PTPRG: variants seen among roughly 807,000 people sequenced by gnomAD.
PTPRG encodes receptor-type tyrosine-protein phosphatase gamma.
PTPRG carries 102 observed loss-of-function variants against 165.3 expected under a neutral mutation model. The observed-to-expected ratio is 0.62, with a 90% confidence interval of 0.53 to 0.73. The LOEUF (loss-of-function observed/expected upper bound fraction) is 0.73, where lower values mean the gene tolerates loss of function less well. Ranked by LOEUF, PTPRG falls within the 30% of genes least tolerant of loss-of-function variation. The pLI is 0.00. For missense variants in PTPRG, 1,866 were observed against 1,861.4 expected (o/e 1.00, Z -0.05); for synonymous variants, 675 against 669.5 (o/e 1.01, Z -0.13).
rs533563764 is a variant in PTPRG at position 61,937,647 on chromosome 3, G to A, written c.191-51978G>A. Among the ~76,000 whole-genome samples, 21 of 152,250 alleles carry A rather than the reference G, an allele frequency of 1.4e-4. 1 individual carries two copies. The South Asian group carries it at 4.4e-3, about 32-fold the overall frequency. ...TCTTTTCTTTGAGGCCTGGAAACTTGGAAACATTTTCACAGCTTCTTGCTT... is the reference window on the plus strand; with the variant it reads ...TCTTTTCTTTGAGGCCTGGAAACTTAGAAACATTTTCACAGCTTCTTGCTT... On this transcript the variant is annotated intron_variant, in intron 2 of 29. Transcript: ENST00000474889.
intron 1 of PTPRG, among the ~76,000 whole-genome samples, chr3:61,690,851 A>G (rs1372495007): frequency 1.3e-5 from 2 of 152,144 alleles, no homozygotes; most frequent in African/African-American, 4.8e-5. Context: ...TGATACAGTC[A>G]ATGCTAGACA....
intron 2 of PTPRG, among the ~76,000 whole-genome samples, chr3:61,844,710 A>C (rs1163888390): frequency 6.6e-6 from 1 of 151,300 alleles, no homozygotes; most frequent in African/African-American, 2.4e-5. Flanking sequence ...GCTATATTGA[A>C]CAGGGTGGTC....
At chr3:62,145,624 G>A (rs1470660495) in intron 6 of PTPRG, among the ~76,000 whole-genome samples, 1 of 152,176 alleles carries the variant, frequency 6.6e-6, no homozygotes, top group Non-Finnish European at 1.5e-5. Context: ...AGTGGACAAA[G>A]AACCAGGAAG....
intron 2 of PTPRG, among the ~76,000 whole-genome samples, chr3:61,952,117 A>G (rs1270326535): frequency 3.4e-5 from 2 of 59,556 alleles, no homozygotes; most frequent in East Asian, 9.8e-4. Context: ...ACTCCACCTC[A>G]GAAAAAAAAA....
intron 2 of PTPRG, among the ~76,000 whole-genome samples, chr3:61,865,350 A>G (rs1450176062): frequency 6.6e-6 from 1 of 152,172 alleles, no homozygotes; most frequent in African/African-American, 2.4e-5. Flanking sequence ...GTCTCATTTA[A>G]TTCTCCAAAA....
chr3:61,591,223 G>T (rs1167814644), intron 1 of PTPRG, among the ~76,000 whole-genome samples: 1 of 152,224 alleles, frequency 6.6e-6, no homozygotes, highest in Non-Finnish European at 1.5e-5. Flanking sequence ...CAGAGATTTG[G>T]AACTGTTGGA....
intron 5 of PTPRG, among the ~76,000 whole-genome samples, chr3:62,101,533 C>T (rs1425182029): frequency 6.6e-6 from 1 of 152,172 alleles, no homozygotes; most frequent in Non-Finnish European, 1.5e-5. Flanking sequence ...CACTGTCTTA[C>T]CCTTTACTAC....
Position 62,275,909 on chromosome 3 carries a change from T to G in PTPRG, c.3502T>G (p.Phe1168Val). 1 of 1,612,096 alleles carries G rather than the reference T, an allele frequency of 6.2e-7. No individual in the cohort carries two copies. The highest frequency in any genetic ancestry group is 8.5e-7 in the Non-Finnish European group (1 of 1,178,760). ...TQCNAKYVEC[F>V]SAQKECNKEK... ...GTGTAATGCAAAATATGTGGAATGT[T>G]TCAGTGCTCAGAAAGAGTGTAACAA... Residue 1168 changes from phenylalanine (F) to valine (V), a missense_variant, in exon 24 of 30, where the codon TTC becomes GTC. Physicochemically the swap from Phe to Val is conservative, Grantham distance 50. Coordinates refer to ENST00000474889, the MANE Select transcript of PTPRG (RefSeq NM_002841.4).
chr3:62,259,985 G>A (rs1233153858), intron 16 of PTPRG, among the ~76,000 whole-genome samples: 2 of 152,178 alleles, frequency 1.3e-5, no homozygotes, highest in Non-Finnish European at 2.9e-5. Flanking sequence ...CTGAGGAAGG[G>A]AATAACAAAG....
intron 1 of PTPRG, among the ~76,000 whole-genome samples, chr3:61,709,465 C>T (rs1258970144): frequency 6.6e-6 from 1 of 152,122 alleles, no homozygotes; most frequent in Non-Finnish European, 1.5e-5. Context: ...CAGGCATGCA[C>T]CACCACAGCT....
intron 2 of PTPRG, among the ~76,000 whole-genome samples, chr3:61,887,359 T>C (rs2038080162): frequency 6.6e-6 from 1 of 151,846 alleles, no homozygotes; most frequent in Non-Finnish European, 1.5e-5. Flanking sequence ...GCTCTAGACA[T>C]AGTGAAAAAC....
At chr3:61,804,144 T>G (rs982408476) in intron 2 of PTPRG, among the ~76,000 whole-genome samples, 1 of 152,224 alleles carries the variant, frequency 6.6e-6, no homozygotes, top group African/African-American at 2.4e-5. Context: ...TCCTCTCTAT[T>G]GGTTTTCTAG....
chr3:62,020,759 G>A (rs1018885925), intron 4 of PTPRG, among the ~76,000 whole-genome samples: 7 of 152,040 alleles, frequency 4.6e-5, no homozygotes, highest in Admixed American at 4.6e-4. Context: ...CTGTCTCCCA[G>A]GCTGGAATAC....
intron 1 of PTPRG, among the ~76,000 whole-genome samples, chr3:61,572,105 C>T (rs1700071181): frequency 6.6e-6 from 1 of 152,134 alleles, no homozygotes; most frequent in Admixed American, 6.6e-5. Flanking sequence ...TTGACTTTTT[C>T]CTGTGAGGGT....
intron 5 of PTPRG, among the ~76,000 whole-genome samples, chr3:62,087,642 C>A (rs9870965): frequency 0.29 from 43,910 of 152,022 alleles, 7,199 homozygotes; most frequent in African/African-American, 0.46. Context: ...ACACAGGCCA[C>A]TAAGTGTTGG....
chr3:62,255,745 A>G lies in PTPRG; in HGVS notation c.2559+530A>G, dbSNP rs1363327028. 1.3e-5 allele frequency among the ~76,000 whole-genome samples: 2 copies of G among 152,152 alleles called. No homozygotes were observed. Among genetic ancestry groups the G allele is most frequent in the African/African-American group, 4.8e-5 (2 of 41,432 alleles). ...ACGTCGTTGGAAAAATAAATGATTA[A>G]CATCTTTAAAAGTGCCAAGTTCATT... On this transcript the variant is annotated intron_variant, in intron 16 of 29. Transcript: ENST00000474889. This position sits in a 1 kb window ranked among gnomAD's most constrained non-coding sequence, Gnocchi z 4.0.
At chr3:62,226,379 GC>G in intron 13 of PTPRG, among the ~76,000 whole-genome samples, 1 of 152,306 alleles carries the variant, frequency 6.6e-6, no homozygotes. Flanking sequence ...TTTTGGATTT[GC>G]CAAAATCATG....
At chr3:62,124,500 ACAG>A (rs753526851) in intron 5 of PTPRG, 13 of 1,594,788 alleles carry the variant, frequency 8.2e-6, no homozygotes, top group Non-Finnish European at 1.0e-5. Context: ...TTCATGTTTT[ACAG>A]CAGGCTCATC....
At chr3:62,033,535 C>G in intron 4 of PTPRG, among the ~76,000 whole-genome samples, 1 of 143,488 alleles carries the variant, frequency 7.0e-6, no homozygotes, top group East Asian at 2.2e-4. Flanking sequence ...TATCTTCCCC[C>G]CCCCACCCCC....
Sources: gnomAD v4.1 joint callset for allele counts (sites outside exome capture counted in the v4.1 genomes callset) on GRCh38, gnomAD v4.1.1 for gene constraint, Gnocchi (gnomAD v3.1) non-coding constraint, MANE v1.5 for transcripts, NCBI Gene and HGNC (gene_info 2026-07-23, HGNC 2026-07-21) for gene names.